Variants in WWP2 observed in about 807,000 individuals in gnomAD.
WWP2 encodes the protein NEDD4-like E3 ubiquitin-protein ligase WWP2.
In WWP2, 57 loss-of-function variants were observed where a neutral mutation model predicts 121.0. The observed-to-expected ratio is 0.47, with a 90% CI of 0.38 to 0.59. The LOEUF is 0.59. Ranked by LOEUF, WWP2 falls within the 20% of genes least tolerant of loss-of-function variation. WWP2 has a pLI of 0.00. For missense variants in WWP2, 962 were observed against 1,158.9 expected (o/e 0.83, Z 2.47); for synonymous variants, 449 against 441.3 (o/e 1.02, Z -0.22).
intron 4 of WWP2, among the ~76,000 whole-genome samples, chr16:69,814,751 G>A (rs969069940): frequency 2.6e-5 from 4 of 152,148 alleles, no homozygotes; most frequent in Non-Finnish European, 4.4e-5. Flanking sequence ...TTATTGCTCC[G>A]TGAGGATGGA....
chr16:69,765,506 G>A (rs994172707), intron 1 of WWP2, among the ~76,000 whole-genome samples: 3 of 152,076 alleles, frequency 2.0e-5, no homozygotes, highest in South Asian at 2.1e-4. Context: ...ATAAAGCAGG[G>A]AAGAGGGATG....
At chr16:69,764,933 G>A (rs1383785720) in intron 1 of WWP2, among the ~76,000 whole-genome samples, 1 of 152,232 alleles carries the variant, frequency 6.6e-6, no homozygotes, top group African/African-American at 2.4e-5. Context: ...GTCAGACATG[G>A]TGGCTCATGC....
Position 69,925,563 on chromosome 16 carries a change from T to A in WWP2, c.1234+79T>A. The stretch of plus-strand genomic sequence containing the variant: ...TGTCCTCTCCTCCCGCGTGTCTTCC[T>A]TCCCTGTTCCTGTCCCTCTGTTTTC... On this transcript the variant is annotated intron_variant, in intron 11 of 23. Coordinates refer to ENST00000359154, the MANE Select transcript of WWP2 (RefSeq NM_001270454.2). This position sits in a 1 kb window ranked among gnomAD's most constrained non-coding sequence, Gnocchi z 4.0. 6.5e-7 allele frequency: 1 copy of A among 1,537,962 alleles called. No individual in the cohort carries two copies. Among genetic ancestry groups the A allele is most frequent in the Non-Finnish European group, 8.9e-7 (1 of 1,129,648 alleles).
chr16:69,910,935 C>T (rs933940540), intron 9 of WWP2, among the ~76,000 whole-genome samples: 1 of 152,174 alleles, frequency 6.6e-6, no homozygotes. Flanking sequence ...CCCTGCATAG[C>T]TTACTAGTCC....
intron 2 of WWP2, among the ~76,000 whole-genome samples, chr16:69,790,288 T>C (rs540937824): frequency 1.2e-4 from 19 of 152,296 alleles, no homozygotes; most frequent in African/African-American, 4.6e-4. Flanking sequence ...GATTAACACG[T>C]ATTTTGTATG....
At chr16:69,821,289 G>A (rs923023145) in intron 4 of WWP2, among the ~76,000 whole-genome samples, 1 of 152,190 alleles carries the variant, frequency 6.6e-6, no homozygotes, top group Non-Finnish European at 1.5e-5. Context: ...AGTTGCAGCC[G>A]GGGCCCTTTT....
chr16:69,864,971 C>T (rs1178618752), intron 6 of WWP2, among the ~76,000 whole-genome samples: 1 of 152,056 alleles, frequency 6.6e-6, no homozygotes, highest in Non-Finnish European at 1.5e-5. Context: ...TTTTAATTTG[C>T]ACTTCCCGAA....
intron 10 of WWP2, chr16:69,924,895 G>A: frequency 1.0e-6 from 1 of 984,878 alleles, no homozygotes; most frequent in Non-Finnish European, 1.2e-6. Context: ...GGGACGCCGA[G>A]GTGGAGGGAG....
chr16:69,859,883 C>T (rs919677066), intron 6 of WWP2, among the ~76,000 whole-genome samples: 2 of 149,340 alleles, frequency 1.3e-5, no homozygotes, highest in Non-Finnish European at 3.0e-5. Flanking sequence ...CCGCCCCGCC[C>T]GATGATCCCC....
At chr16:69,817,848 A>C (rs1425392669) in intron 4 of WWP2, among the ~76,000 whole-genome samples, 1 of 146,398 alleles carries the variant, frequency 6.8e-6, no homozygotes, top group Non-Finnish European at 1.5e-5. Flanking sequence ...CTCCCTCCTC[A>C]GCCTCCCAAA....
intron 4 of WWP2, among the ~76,000 whole-genome samples, chr16:69,828,382 T>C (rs111843629): frequency 8.5e-5 from 13 of 152,284 alleles, no homozygotes; most frequent in African/African-American, 2.9e-4. Context: ...TTAATTTTCT[T>C]TGAGACATAG....
intron 4 of WWP2, among the ~76,000 whole-genome samples, chr16:69,815,662 C>T (rs1364026165): frequency 1.3e-5 from 2 of 151,794 alleles, no homozygotes; most frequent in African/African-American, 2.4e-5. Context: ...TGGCGGGTCC[C>T]TGTAGTCCCA....
chr16:69,818,883 C>T (rs1858697704), intron 4 of WWP2, among the ~76,000 whole-genome samples: 1 of 152,134 alleles, frequency 6.6e-6, no homozygotes, highest in Non-Finnish European at 1.5e-5. Flanking sequence ...TTAAATTTGG[C>T]CTATATGCCC....
At chr16:69,915,900 G>A (rs570184752) in intron 9 of WWP2, among the ~76,000 whole-genome samples, 6 of 152,002 alleles carry the variant, frequency 3.9e-5, no homozygotes, top group Non-Finnish European at 8.8e-5. Context: ...TTAGTTGAAT[G>A]TGATGGTGCA....
intron 6 of WWP2, chr16:69,871,577 G>A: frequency 2.0e-6 from 1 of 488,264 alleles, no homozygotes; most frequent in Admixed American, 3.9e-5. Context: ...TTTACTTGAA[G>A]TGGAAAAGTT....
chr16:69,785,011 G>A lies in WWP2; in HGVS notation c.-15-1985G>A, dbSNP rs185902260. On this transcript the variant is annotated intron_variant, in intron 1 of 23. Coordinates refer to ENST00000359154, the MANE Select transcript of WWP2 (RefSeq NM_001270454.2). Reference sequence around the variant, plus strand: ...AGCACTTTGGGAGGTTGAGGCAGGCGGATCACTTGAGGTTAGGAGTTCGAG... The same window carrying A: ...AGCACTTTGGGAGGTTGAGGCAGGCAGATCACTTGAGGTTAGGAGTTCGAG... Among the ~76,000 whole-genome samples, 465 of 151,918 alleles carry A rather than the reference G, an allele frequency of 3.1e-3. 4 individuals are homozygous for A. The highest frequency in any genetic ancestry group is 0.01 in the African/African-American group (425 of 41,442).
chr16:69,834,531 GTT>G (rs1022932465), intron 4 of WWP2, among the ~76,000 whole-genome samples: 1 of 137,928 alleles, frequency 7.3e-6, no homozygotes. Flanking sequence ...TTTTTTTTTA[GTT>G]TTTTTTTTTT....
At chr16:69,832,128 CTTCT>C (rs2056804389) in intron 4 of WWP2, among the ~76,000 whole-genome samples, 1 of 152,070 alleles carries the variant, frequency 6.6e-6, no homozygotes, top group Admixed American at 6.6e-5. Flanking sequence ...TGCGCCCTGC[CTTCT>C]TTGTTTGTTT....
intron 8 of WWP2, among the ~76,000 whole-genome samples, chr16:69,905,286 C>T (rs1423668753): frequency 6.6e-6 from 1 of 152,214 alleles, no homozygotes; most frequent in Non-Finnish European, 1.5e-5. Flanking sequence ...CAAGAGTTGT[C>T]CGCTTTGGGG....
Sources: gnomAD v4.1 joint callset for allele counts (sites outside exome capture counted in the v4.1 genomes callset) on GRCh38, gnomAD v4.1.1 for gene constraint, Gnocchi (gnomAD v3.1) non-coding constraint, MANE v1.5 for transcripts, NCBI Gene and HGNC (gene_info 2026-07-23, HGNC 2026-07-21) for gene names.